Variants in SLC30A8 observed in about 807,000 individuals in gnomAD.
SLC30A8 encodes proton-coupled zinc antiporter SLC30A8.
SLC30A8 carries 27 observed loss-of-function variants against 36.9 expected under a neutral mutation model. That is an observed-to-expected ratio of 0.73 (90% CI 0.54 to 1.01). The LOEUF is 1.01. Among genes scored for constraint, SLC30A8 ranks in the 50% least tolerant of loss-of-function variants. The pLI, the probability that SLC30A8 is intolerant of heterozygous loss-of-function variation, is 0.00. For synonymous variants in SLC30A8, 164 were observed against 172.4 expected (o/e 0.95, Z 0.38); for missense variants, 439 against 452.0 (o/e 0.97, Z 0.26).
At chr8:117,160,458 G>T (rs373966536) in intron 4 of SLC30A8, among the ~76,000 whole-genome samples, 12 of 146,890 alleles carry the variant, frequency 8.2e-5, no homozygotes, top group Admixed American at 5.5e-4. Context: ...CGCGCGGTGG[G>T]GGAGTGGGGT....
At chr8:117,118,754 G>T (rs115219228) in intron 2 of SLC30A8, among the ~76,000 whole-genome samples, 1,998 of 151,908 alleles carry the variant, frequency 0.013, 44 homozygotes, top group African/African-American at 0.046. Context: ...CTCCTCACTT[G>T]AAAGATATCA....
chr8:117,047,012 T>C (rs570978232), intron 2 of SLC30A8, among the ~76,000 whole-genome samples: 104 of 152,328 alleles, frequency 6.8e-4, no homozygotes, highest in African/African-American at 2.4e-3. Flanking sequence ...TGATAGCTGA[T>C]TGGTCCATGG....
At chr8:117,093,349 T>C (rs185891118) in intron 2 of SLC30A8, among the ~76,000 whole-genome samples, 21 of 151,408 alleles carry the variant, frequency 1.4e-4, no homozygotes, top group Non-Finnish European at 2.5e-4. Context: ...GAATGTGTAC[T>C]CATTCTTATT....
chr8:117,156,771 T>C (rs1340319072), intron 3 of SLC30A8, among the ~76,000 whole-genome samples: 1 of 152,222 alleles, frequency 6.6e-6, no homozygotes, highest in Non-Finnish European at 1.5e-5. Context: ...AGGTAGCATG[T>C]GGATTTGGAA....
At chr8:117,149,952 A>G (rs1285074907) in intron 2 of SLC30A8, among the ~76,000 whole-genome samples, 1 of 152,150 alleles carries the variant, frequency 6.6e-6, no homozygotes, top group Non-Finnish European at 1.5e-5. Context: ...CCATGTAGAC[A>G]CGCCAGTGAA....
chr8:117,000,205 G>T (rs1038463345), intron 1 of SLC30A8, among the ~76,000 whole-genome samples: 1 of 152,196 alleles, frequency 6.6e-6, no homozygotes, highest in Non-Finnish European at 1.5e-5. Flanking sequence ...ATCAGAACAG[G>T]CCTGAGAGTC....
At chr8:116,994,287 C>T (rs1170842054) in intron 1 of SLC30A8, among the ~76,000 whole-genome samples, 1 of 152,046 alleles carries the variant, frequency 6.6e-6, no homozygotes, top group Admixed American at 6.5e-5. Context: ...CCTGTGACTA[C>T]ATTTTGCTAC....
intron 6 of SLC30A8, among the ~76,000 whole-genome samples, chr8:117,164,666 T>C (rs1028126224): frequency 3.3e-5 from 5 of 152,150 alleles, no homozygotes; most frequent in African/African-American, 1.2e-4. Flanking sequence ...TACACAGAAA[T>C]GCAGTAGTGG....
chr8:117,006,988 T>G (rs1816202789), intron 1 of SLC30A8: 1 of 91,738 alleles, frequency 1.1e-5, no homozygotes, highest in African/African-American at 3.8e-5. Context: ...TTTTTTTCTG[T>G]AGAGACAGCA....
At chr8:117,096,703 T>C in intron 2 of SLC30A8, among the ~76,000 whole-genome samples, 1 of 152,262 alleles carries the variant, frequency 6.6e-6, no homozygotes, top group East Asian at 1.9e-4. Context: ...TTAATAATAT[T>C]ATTATAAGTG....
At chr8:117,050,923 C>T (rs572866252) in intron 2 of SLC30A8, among the ~76,000 whole-genome samples, 105 of 152,312 alleles carry the variant, frequency 6.9e-4, no homozygotes, top group African/African-American at 2.4e-3. Flanking sequence ...GAATGAGCCA[C>T]CTGATTGATT....
At chr8:117,019,142 C>T (rs948704798) in intron 1 of SLC30A8, among the ~76,000 whole-genome samples, 1 of 152,124 alleles carries the variant, frequency 6.6e-6, no homozygotes, top group Admixed American at 6.5e-5. Context: ...ATTATCACAA[C>T]AATCCCCACA....
At chr8:116,995,597 T>C (rs986431980) in intron 1 of SLC30A8, among the ~76,000 whole-genome samples, 1 of 152,082 alleles carries the variant, frequency 6.6e-6, no homozygotes, top group Non-Finnish European at 1.5e-5. Context: ...AGACACTATG[T>C]GAACAGAGCC....
At chr8:117,105,769 A>G (rs1051693597) in intron 2 of SLC30A8, among the ~76,000 whole-genome samples, 8 of 152,324 alleles carry the variant, frequency 5.3e-5, no homozygotes, top group African/African-American at 1.7e-4. Context: ...ACACGTCTAC[A>G]AAGTGCCTTC....
At chr8:117,082,916 G>A (rs1163626043) in intron 2 of SLC30A8, among the ~76,000 whole-genome samples, 1 of 152,142 alleles carries the variant, frequency 6.6e-6, no homozygotes, top group Non-Finnish European at 1.5e-5. Context: ...GCAGTTTTCA[G>A]GAAAAGCAGG....
chr8:117,149,969 G>C (rs1415334503), intron 2 of SLC30A8, among the ~76,000 whole-genome samples: 1 of 152,180 alleles, frequency 6.6e-6, no homozygotes, highest in Non-Finnish European at 1.5e-5. Flanking sequence ...TGAACCTCAT[G>C]TGCACAGAAT....
rs1586602214 is a variant in SLC30A8 at position 117,157,849 on chromosome 8, G to A, written c.572+5G>A. On this transcript the variant is annotated splice_donor_5th_base_variant and intron_variant, in intron 4 of 7. Coordinates refer to ENST00000456015, the MANE Select transcript of SLC30A8 (RefSeq NM_173851.3). ...CGCAGTGGCGGCCAACATTGTGTAA[G>A]TCATCCCCTGGTCCCCACACACTGC... The A allele has an allele frequency of 1.2e-6, 2 of 1,613,852 alleles. No individual in the cohort carries two copies. The highest frequency in any genetic ancestry group is 1.7e-6 in the Non-Finnish European group (2 of 1,179,914).
intron 1 of SLC30A8, among the ~76,000 whole-genome samples, chr8:117,020,712 A>AT (rs1231227373): frequency 6.6e-6 from 1 of 151,446 alleles, no homozygotes; most frequent in Non-Finnish European, 1.5e-5. Context: ...CTTTATCTTT[A>AT]TTTTTTGACT....
intron 5 of SLC30A8, 78 bp downstream of exon 5, chr8:117,161,966 A>G: frequency 1.5e-6 from 2 of 1,312,252 alleles, no homozygotes. Context: ...ACATTAACTT[A>G]AAGAGAATGG....
Sources: allele counts gnomAD v4.1 joint callset (sites outside exome capture counted in the v4.1 genomes callset), GRCh38; gene constraint gnomAD v4.1.1; transcripts MANE v1.5; gene names NCBI Gene and HGNC (gene_info 2026-07-23, HGNC 2026-07-21).